Variants in OXR1 observed in about 807,000 individuals in gnomAD.
OXR1 encodes the protein oxidation resistance 1.
Under a neutral mutation model 104.6 loss-of-function variants are expected in OXR1, and 41 were observed. The observed-to-expected ratio is 0.39, with a 90% CI of 0.31 to 0.51. OXR1 has a LOEUF of 0.51. OXR1 is among the 20% of genes least tolerant of loss of function. The pLI, the probability that OXR1 is intolerant of heterozygous loss-of-function variation, is 0.77. For synonymous variants in OXR1, 348 were observed against 348.4 expected, an observed-to-expected ratio of 1.00 and a Z score of 0.01; for missense variants, 955 against 1,031.9, an observed-to-expected ratio of 0.93 and a Z score of 1.02.
chr8:106,326,772 A>G (rs1463118741), intron 1 of OXR1, among the ~76,000 whole-genome samples: 2 of 152,202 alleles, frequency 1.3e-5, no homozygotes, highest in African/African-American at 4.8e-5. Flanking sequence ...ATTGGTGCAC[A>G]GTGAGCAGAG....
chr8:106,750,945 A>G lies in OXR1; in HGVS notation c.*4A>G. On this transcript the variant is annotated 3_prime_UTR_variant, in exon 17 of 17. Coordinates refer to ENST00000517566, the MANE Select transcript of OXR1 (RefSeq NM_001198533.2). ...TGAAATCTGGGCTTTTGAATAAATA[A>G]AATGCTCTCTGTCTTAGCAGGAGAA... The G allele has an allele frequency of 6.3e-7, 1 of 1,598,408 alleles. No homozygotes were observed. The highest frequency in any genetic ancestry group is 1.4e-5 in the African/African-American group (1 of 73,940).
chr8:106,683,314 C>T lies in OXR1; in HGVS notation c.411+8C>T. ...GCAGTTGTTACTGGACAGGTAGTAT[C>T]TTTTTTTTAATGTGCTGATGTTTAG... On this transcript the variant is annotated splice_region_variant and intron_variant, in intron 5 of 16. Transcript: ENST00000517566. 1 of 1,341,380 alleles carries T rather than the reference C, an allele frequency of 7.5e-7. No individual in the cohort carries two copies. Among genetic ancestry groups the T allele is most frequent in the South Asian group, 1.2e-5 (1 of 83,818 alleles). The allele number at this position is 1,341,380 out of a possible 1,614,324, so 83.1% of individuals were successfully genotyped here. A position where few individuals can be genotyped will look rare whatever the true frequency, so the allele number is the denominator to read the frequency against.
rs10582378 is a variant in OXR1 at position 106,513,410 on chromosome 8, T to TACACACAC, written c.24-5518_24-5511dup. Among the ~76,000 whole-genome samples, 69 of 150,914 alleles carry TACACACAC rather than the reference T, an allele frequency of 4.6e-4. 1 individual carries two copies. The Middle Eastern group carries it at 0.01, about 22-fold the overall frequency. ...CTCAGGTCAAACCTGCGTGGATTTA[T>TACACACAC]ACACACACACACACACACACACTCA... On this transcript the variant is annotated intron_variant, in intron 2 of 16. Coordinates refer to ENST00000517566, the MANE Select transcript of OXR1 (RefSeq NM_001198533.2).
intron 6 of OXR1, among the ~76,000 whole-genome samples, chr8:106,690,385 T>C (rs978037775): frequency 4.6e-5 from 7 of 151,178 alleles, no homozygotes; most frequent in Non-Finnish European, 8.9e-5. Flanking sequence ...AATATGTACT[T>C]TTTAATAGAT....
chr8:106,671,619 C>T (rs1039916053), intron 3 of OXR1, among the ~76,000 whole-genome samples: 12 of 151,870 alleles, frequency 7.9e-5, no homozygotes, highest in South Asian at 2.1e-4. Flanking sequence ...ACATATACAC[C>T]GTGGAATATT....
intron 3 of OXR1, among the ~76,000 whole-genome samples, chr8:106,535,389 C>A (rs1053245357): frequency 6.6e-6 from 1 of 152,186 alleles, no homozygotes; most frequent in African/African-American, 2.4e-5. Flanking sequence ...CCTACTCCCC[C>A]TCTGGAAAGA....
intron 11 of OXR1, among the ~76,000 whole-genome samples, chr8:106,723,437 G>A (rs752991264): frequency 6.6e-6 from 1 of 151,110 alleles, no homozygotes; most frequent in Non-Finnish European, 1.5e-5. Context: ...GGCGAACCTT[G>A]CAGTGAGCCG....
At chr8:106,434,445 G>A (rs973602068) in intron 2 of OXR1, among the ~76,000 whole-genome samples, 2 of 152,186 alleles carry the variant, frequency 1.3e-5, no homozygotes, top group African/African-American at 4.8e-5. Context: ...TAATTCTAGA[G>A]TATAGTATGG....
intron 10 of OXR1, among the ~76,000 whole-genome samples, chr8:106,712,271 C>T (rs186592806): frequency 1.7e-3 from 257 of 151,992 alleles, no homozygotes; most frequent in Non-Finnish European, 2.8e-3. Context: ...TTCAGTTTTG[C>T]GGAAATCAAT....
chr8:106,309,896 T>A (rs1246283233), intron 1 of OXR1, among the ~76,000 whole-genome samples: 1 of 151,696 alleles, frequency 6.6e-6, no homozygotes, highest in African/African-American at 2.4e-5. Context: ...CATTACTCTG[T>A]CCCTTTCTTC....
intron 7 of OXR1, among the ~76,000 whole-genome samples, chr8:106,701,846 T>C (rs891920712): frequency 3.9e-5 from 6 of 152,216 alleles, no homozygotes; most frequent in Non-Finnish European, 7.3e-5. Context: ...ATATAAAGCA[T>C]GGTACATATA....
intron 2 of OXR1, among the ~76,000 whole-genome samples, chr8:106,406,198 T>A (rs1233628542): frequency 6.6e-6 from 1 of 152,180 alleles, no homozygotes; most frequent in Non-Finnish European, 1.5e-5. Context: ...CAGTCTGTAC[T>A]CATTGATCCC....
chr8:106,285,581 G>T (rs569613127), intron 1 of OXR1, among the ~76,000 whole-genome samples: 3 of 151,906 alleles, frequency 2.0e-5, no homozygotes, highest in African/African-American at 7.3e-5. Flanking sequence ...TGCTGAAACA[G>T]CTGGCCTCCA....
chr8:106,331,979 A>G (rs1201910600), intron 1 of OXR1, among the ~76,000 whole-genome samples: 1 of 141,416 alleles, frequency 7.1e-6, no homozygotes, highest in Non-Finnish European at 1.5e-5. Context: ...TGTTATATTT[A>G]TTTCTTAGAA....
At chr8:106,702,259 C>G (rs1482926280) in intron 7 of OXR1, among the ~76,000 whole-genome samples, 1 of 152,104 alleles carries the variant, frequency 6.6e-6, no homozygotes, top group Non-Finnish European at 1.5e-5. Context: ...CGTGCCTGCC[C>G]TGTATCACTA....
At chr8:106,638,969 T>C (rs1415592132) in intron 3 of OXR1, among the ~76,000 whole-genome samples, 1 of 152,130 alleles carries the variant, frequency 6.6e-6, no homozygotes, top group African/African-American at 2.4e-5. Flanking sequence ...TAATTGGCTT[T>C]TTTCTTTCAG....
At chr8:106,484,567 AC>A (rs1345740300) in intron 2 of OXR1, among the ~76,000 whole-genome samples, 3 of 152,100 alleles carry the variant, frequency 2.0e-5, no homozygotes, top group African/African-American at 4.8e-5. Context: ...ATATGAAAAG[AC>A]GCTTCATATC....
chr8:106,694,777 AC>A (rs1268397215), intron 7 of OXR1, among the ~76,000 whole-genome samples: 8 of 95,568 alleles, frequency 8.4e-5, no homozygotes, highest in East Asian at 4.8e-4. Flanking sequence ...ATAGATAAAT[AC>A]ATATATATTT....
intron 2 of OXR1, among the ~76,000 whole-genome samples, chr8:106,422,978 G>A (rs1586628379): frequency 6.6e-6 from 1 of 152,072 alleles, no homozygotes; most frequent in East Asian, 1.9e-4. Flanking sequence ...CCCCTGGCTG[G>A]CCAGCGTAAA....
Sources: allele counts gnomAD v4.1 joint callset (sites outside exome capture counted in the v4.1 genomes callset), GRCh38; gene constraint gnomAD v4.1.1; transcripts MANE v1.5; gene names NCBI Gene and HGNC (gene_info 2026-07-23, HGNC 2026-07-21).